HS3ST4: variants seen among roughly 807,000 people sequenced by gnomAD.
HS3ST4 encodes the protein heparan sulfate-glucosamine 3-sulfotransferase 4.
Under a neutral mutation model 29.2 loss-of-function variants are expected in HS3ST4, and 17 were observed. The observed-to-expected ratio is 0.58, with a 90% CI of 0.40 to 0.87. HS3ST4 has a LOEUF of 0.87. Among genes scored for constraint, HS3ST4 ranks in the 40% least tolerant of loss-of-function variants. HS3ST4 has a pLI of 0.00. For synonymous variants in HS3ST4, 314 were observed against 285.7 expected, an observed-to-expected ratio of 1.10 and a Z score of -1.00; for missense variants, 627 against 634.5, an observed-to-expected ratio of 0.99 and a Z score of 0.13.
rs59647070 is a variant in HS3ST4, at chr16:25,872,093, A to G, written c.734+178942A>G. On this transcript the variant is annotated intron_variant, in intron 1 of 1. Coordinates refer to ENST00000331351, the MANE Select transcript of HS3ST4 (RefSeq NM_006040.3). ...CACTTTGTTTGCGGGACTTTCCCAT[A>G]TTGGTGCTAAATCAATGTCTGCTGA... Among the ~76,000 whole-genome samples, 1,494 of 152,232 alleles carry G rather than the reference A, an allele frequency of 9.8e-3. 18 individuals are homozygous for G. The highest frequency in any genetic ancestry group is 0.034 in the African/African-American group (1,415 of 41,534).
Position 25,958,784 on chromosome 16 carries a change from G to C in HS3ST4, c.735-176828G>C, listed in dbSNP as rs1968762796. Among the ~76,000 whole-genome samples the C allele has an allele frequency of 2.6e-5, 4 of 152,166 alleles. No individual in the cohort carries two copies. In the South Asian group the frequency reaches 8.3e-4, roughly 32 times the overall value. Reference sequence around the variant, plus strand: ...TTGGAGGGTAGTTCTCTTCCACGGAGCTTCTCCTCATGGCTGGTGTTGGCT... The same window carrying C: ...TTGGAGGGTAGTTCTCTTCCACGGACCTTCTCCTCATGGCTGGTGTTGGCT... On this transcript the variant is annotated intron_variant, in intron 1 of 1. Coordinates refer to ENST00000331351, the MANE Select transcript of HS3ST4 (RefSeq NM_006040.3).
chr16:25,734,967 A>ACGG (rs1358897244), intron 1 of HS3ST4, among the ~76,000 whole-genome samples: 7 of 152,296 alleles, frequency 4.6e-5, no homozygotes, highest in African/African-American at 1.7e-4. Flanking sequence ...AATGTTCTCT[A>ACGG]CAAAGGAGTG....
intron 1 of HS3ST4, among the ~76,000 whole-genome samples, chr16:25,757,007 C>T (rs1296871087): frequency 1.3e-5 from 2 of 152,116 alleles, no homozygotes; most frequent in Non-Finnish European, 2.9e-5. Flanking sequence ...AGCCATGTGT[C>T]TCCTAGCTTA....
At chr16:25,881,041 T>A (rs908918426) in intron 1 of HS3ST4, among the ~76,000 whole-genome samples, 1 of 152,152 alleles carries the variant, frequency 6.6e-6, no homozygotes, top group African/African-American at 2.4e-5. Flanking sequence ...GCCAGCTGGC[T>A]CCATGAGCAG....
chr16:26,111,598 G>A (rs1167457086), intron 1 of HS3ST4, among the ~76,000 whole-genome samples: 1 of 152,034 alleles, frequency 6.6e-6, no homozygotes, highest in African/African-American at 2.4e-5. Context: ...GAGGCCACAG[G>A]GAACTTTTCC....
intron 1 of HS3ST4, among the ~76,000 whole-genome samples, chr16:26,003,437 G>A (rs537001844): frequency 6.6e-6 from 1 of 152,112 alleles, no homozygotes; most frequent in Non-Finnish European, 1.5e-5. Context: ...CCTGGTACTC[G>A]AGGAATGTCT....
intron 1 of HS3ST4, among the ~76,000 whole-genome samples, chr16:26,075,602 G>A (rs1898652678): frequency 6.6e-6 from 1 of 152,134 alleles, no homozygotes; most frequent in Non-Finnish European, 1.5e-5. Context: ...GTAGACTTTG[G>A]GGAACATGGC....
At chr16:25,737,817 C>A (rs1966620640) in intron 1 of HS3ST4, among the ~76,000 whole-genome samples, 1 of 152,080 alleles carries the variant, frequency 6.6e-6, no homozygotes, top group South Asian at 2.1e-4. Flanking sequence ...CCCATCTTTG[C>A]TAATAGCAGC....
At chr16:25,723,249 T>C (rs1483870295) in intron 1 of HS3ST4, among the ~76,000 whole-genome samples, 1 of 152,178 alleles carries the variant, frequency 6.6e-6, no homozygotes, top group Non-Finnish European at 1.5e-5. Flanking sequence ...AGGAAGAAGA[T>C]GTAGATTTTG....
At chr16:25,904,231 A>G (rs1479846311) in intron 1 of HS3ST4, among the ~76,000 whole-genome samples, 4 of 150,882 alleles carry the variant, frequency 2.7e-5, no homozygotes, top group Admixed American at 1.3e-4. Context: ...TGGATGGATG[A>G]ATGGATGAAT....
intron 1 of HS3ST4, among the ~76,000 whole-genome samples, chr16:26,081,477 C>G (rs1210282275): frequency 6.6e-6 from 1 of 152,090 alleles, no homozygotes; most frequent in Non-Finnish European, 1.5e-5. Flanking sequence ...ATGGAAAAGT[C>G]CCAGGCTGGG....
intron 1 of HS3ST4, among the ~76,000 whole-genome samples, chr16:25,836,092 A>G (rs904169403): frequency 3.3e-5 from 5 of 152,138 alleles, no homozygotes; most frequent in African/African-American, 7.2e-5. Flanking sequence ...TTTTCCTACC[A>G]AGCCTACAAA....
At chr16:25,750,092 G>C (rs760343383) in intron 1 of HS3ST4, among the ~76,000 whole-genome samples, 9 of 152,146 alleles carry the variant, frequency 5.9e-5, no homozygotes, top group Non-Finnish European at 1.2e-4. Context: ...AATCCCAAAT[G>C]GTTGCTACTG....
intron 1 of HS3ST4, among the ~76,000 whole-genome samples, chr16:25,965,342 C>T (rs971966677): frequency 4.1e-5 from 6 of 145,778 alleles, no homozygotes; most frequent in Non-Finnish European, 7.4e-5. Flanking sequence ...ACCTGGGAGG[C>T]GGAGGTTGCA....
intron 1 of HS3ST4, among the ~76,000 whole-genome samples, chr16:25,875,322 G>C (rs1184618608): frequency 6.6e-6 from 1 of 152,110 alleles, no homozygotes; most frequent in Non-Finnish European, 1.5e-5. Flanking sequence ...AAGGAGCAGT[G>C]CTTTTTCTGT....
chr16:25,947,569 A>G (rs138476572), intron 1 of HS3ST4, among the ~76,000 whole-genome samples: 1 of 152,180 alleles, frequency 6.6e-6, no homozygotes, highest in African/African-American at 2.4e-5. Context: ...ATGCAAAATC[A>G]CAAGTATAAG....
intron 1 of HS3ST4, among the ~76,000 whole-genome samples, chr16:25,720,171 CAT>C (rs963776353): frequency 2.0e-5 from 3 of 152,084 alleles, no homozygotes; most frequent in African/African-American, 7.2e-5. Flanking sequence ...TGAGGAATAT[CAT>C]GTGGAAATCT....
At chr16:25,766,200 G>T (rs1966818144) in intron 1 of HS3ST4, among the ~76,000 whole-genome samples, 1 of 151,892 alleles carries the variant, frequency 6.6e-6, no homozygotes, top group Admixed American at 6.6e-5. Flanking sequence ...TGTGAACTGG[G>T]CTATCAACAA....
At chr16:26,109,747 TA>T (rs1899103421) in intron 1 of HS3ST4, among the ~76,000 whole-genome samples, 4 of 152,266 alleles carry the variant, frequency 2.6e-5, no homozygotes, top group Admixed American at 1.3e-4. Context: ...TTTAGACATT[TA>T]TTTTTTTTCC....
Sources: allele counts gnomAD v4.1 joint callset (sites outside exome capture counted in the v4.1 genomes callset), GRCh38; gene constraint gnomAD v4.1.1; transcripts MANE v1.5; gene names NCBI Gene and HGNC (gene_info 2026-07-23, HGNC 2026-07-21).